The following ADAMTS17 variants were observed in gnomAD, a reference collection of about 807,000 sequenced individuals.
The protein encoded by ADAMTS17 is ADAM metallopeptidase with thrombospondin type 1 motif 17.
Under a neutral mutation model 141.5 loss-of-function variants are expected in ADAMTS17, and 113 were observed. The observed-to-expected ratio is 0.80, with a 90% CI of 0.69 to 0.93. ADAMTS17 has a LOEUF of 0.93. ADAMTS17 is among the 40% of genes least tolerant of loss of function. The pLI is 0.00. For synonymous variants in ADAMTS17, 768 were observed against 630.6 expected (o/e 1.22, Z -3.27); for missense variants, 1,659 against 1,517.9 (o/e 1.09, Z -1.54).
At chr15:100,267,430 G>A (rs932045587) in intron 4 of ADAMTS17, among the ~76,000 whole-genome samples, 1 of 152,162 alleles carries the variant, frequency 6.6e-6, no homozygotes, top group African/African-American at 2.4e-5. Flanking sequence ...GAGTAATGCT[G>A]CTGTGAACAC....
In ADAMTS17 at chr15:99,971,475, C is replaced by A. The variant is rs1451876935; in HGVS notation, c.*2927G>T. The A allele has an allele frequency of 6.6e-6, 1 of 152,220 alleles. No homozygotes were observed. Among genetic ancestry groups the A allele is most frequent in the Non-Finnish European group, 1.5e-5 (1 of 68,044 alleles). The allele number at this position is 152,220 out of a possible 1,614,324, so 9.4% of individuals were successfully genotyped here. A position where few individuals can be genotyped will look rare whatever the true frequency, so the allele number is the denominator to read the frequency against. Reference sequence around the variant, plus strand: ...CATTTTATTACACATATTCAACTTGCTTCCAATGAAATGATTAATTTTTCT... The same window carrying A: ...CATTTTATTACACATATTCAACTTGATTCCAATGAAATGATTAATTTTTCT... On this transcript the variant is annotated 3_prime_UTR_variant, in exon 22 of 22. Coordinates refer to ENST00000268070, the MANE Select transcript of ADAMTS17 (RefSeq NM_139057.4).
rs759640649 is a variant in ADAMTS17, at chr15:100,281,384, A to G, written c.634T>C (p.Trp212Arg). Reference protein sequence around the residue: ...KVLTEKKKPTWGRPSRDWRER... With the variant: ...KVLTEKKKPTRGRPSRDWRER... The stretch of plus-strand genomic sequence containing the variant: ...CGCCAGTCCCGCGAAGGCCTGCCCC[A>G]CGTCGGCTTCTTCTTTTCTAGAAAA... Residue 212 changes from tryptophan to arginine, a missense_variant, in exon 4 of 22, where the codon TGG (tryptophan) becomes CGG (arginine). Physicochemically the swap from Trp to Arg is moderately radical, Grantham distance 101. Coordinates refer to ENST00000268070, the MANE Select transcript of ADAMTS17 (RefSeq NM_139057.4). 9 of 1,612,602 alleles carry G rather than the reference A, an allele frequency of 5.6e-6. No individual in the cohort carries two copies. Among genetic ancestry groups the G allele is most frequent in the Non-Finnish European group, 3.4e-6 (4 of 1,179,906 alleles).
In ADAMTS17 at chr15:100,185,372, C is replaced by T. The variant is rs193234717; in HGVS notation, c.1181+13946G>A. Among the ~76,000 whole-genome samples the T allele has an allele frequency of 1.4e-4, 21 of 148,576 alleles. No homozygotes were observed. In the East Asian group the frequency reaches 2.1e-3, roughly 15 times the overall value. On this transcript the variant is annotated intron_variant, in intron 8 of 21. Coordinates refer to ENST00000268070, the MANE Select transcript of ADAMTS17 (RefSeq NM_139057.4). Reference sequence around the variant, plus strand: ...ATGTGTTTTAAGTTTTGTCTTACTACACCTGTGAACCCACAGTGTGCACTG... The same window carrying T: ...ATGTGTTTTAAGTTTTGTCTTACTATACCTGTGAACCCACAGTGTGCACTG...
At chr15:100,234,953 T>C (rs2042608138) in intron 7 of ADAMTS17, among the ~76,000 whole-genome samples, 1 of 152,082 alleles carries the variant, frequency 6.6e-6, no homozygotes, top group Non-Finnish European at 1.5e-5. Context: ...AGAAAGGCAG[T>C]GGGAACATGA....
At chr15:100,231,633 A>C (rs2042484328) in intron 7 of ADAMTS17, among the ~76,000 whole-genome samples, 1 of 152,192 alleles carries the variant, frequency 6.6e-6, no homozygotes, top group African/African-American at 2.4e-5. Context: ...AGCTGATGTC[A>C]CACAATGTGT....
chr15:100,034,638 G>A (rs2030526497), intron 18 of ADAMTS17, among the ~76,000 whole-genome samples: 1 of 152,214 alleles, frequency 6.6e-6, no homozygotes, highest in East Asian at 1.9e-4. Context: ...GTCCCAGACA[G>A]TCCACTTGCA....
rs748952107 is a variant in ADAMTS17, at chr15:100,051,656, G to T, written c.2371C>A (p.Gln791Lys). ...TCCTGCGGTTTTTCTGGTTCGCTTT[G>T]ATTTTCCGCAGTGCGGTTTACAGGA... ...TVPVNRTAEN[Q>K]SEPEKPQDSL... The change falls in exon 17 of 22, where the codon CAA becomes AAA. Residue 791 changes from glutamine to lysine, a missense_variant. Coordinates refer to ENST00000268070, the MANE Select transcript of ADAMTS17 (RefSeq NM_139057.4). The T allele has an allele frequency of 6.2e-7, 1 of 1,614,202 alleles. No homozygotes were observed. Among genetic ancestry groups the T allele is most frequent in the South Asian group, 1.1e-5 (1 of 91,082 alleles).
intron 7 of ADAMTS17, among the ~76,000 whole-genome samples, chr15:100,212,771 G>A (rs1216576638): frequency 7.1e-6 from 1 of 141,000 alleles, no homozygotes; most frequent in Non-Finnish European, 1.5e-5. Context: ...GAAAACATGA[G>A]GAAAGGTCTC....
At chr15:100,308,686 C>T (rs1489239120) in intron 3 of ADAMTS17, among the ~76,000 whole-genome samples, 14 of 152,232 alleles carry the variant, frequency 9.2e-5, no homozygotes, top group Middle Eastern at 3.4e-3. Flanking sequence ...AACAGAATCC[C>T]GGGCTTAGCC....
intron 13 of ADAMTS17, among the ~76,000 whole-genome samples, chr15:100,114,685 A>C (rs1303209591): frequency 2.0e-4 from 31 of 152,156 alleles, no homozygotes; most frequent in Admixed American, 2.0e-3. Context: ...TAGTGACAAT[A>C]ACTTAGGACT....
intron 3 of ADAMTS17, among the ~76,000 whole-genome samples, chr15:100,295,041 TCAC>T (rs755387799): frequency 6.6e-6 from 1 of 152,086 alleles, no homozygotes; most frequent in Non-Finnish European, 1.5e-5. Context: ...GACACCAAAG[TCAC>T]CACAATTGCA....
chr15:100,128,099 T>C (rs1567220630), intron 12 of ADAMTS17, among the ~76,000 whole-genome samples: 2 of 152,054 alleles, frequency 1.3e-5, no homozygotes, highest in African/African-American at 2.4e-5. Context: ...ACTCAAGCAA[T>C]GCAAGGATGG....
chr15:100,156,928 T>C (rs2039464065), intron 8 of ADAMTS17, among the ~76,000 whole-genome samples: 1 of 152,274 alleles, frequency 6.6e-6, no homozygotes, highest in Non-Finnish European at 1.5e-5. Flanking sequence ...TGCTATAAAG[T>C]GTTTCACACT....
chr15:100,213,636 A>T (rs117179586), intron 7 of ADAMTS17, among the ~76,000 whole-genome samples: 5 of 152,244 alleles, frequency 3.3e-5, no homozygotes, highest in Admixed American at 6.5e-5. Flanking sequence ...AATCATTTTA[A>T]AATGGGATCC....
At chr15:100,203,897 CAA>C (rs57951408) in intron 7 of ADAMTS17, among the ~76,000 whole-genome samples, 21 of 131,612 alleles carry the variant, frequency 1.6e-4, no homozygotes, top group African/African-American at 4.2e-4. Flanking sequence ...GACTCTGTCT[CAA>C]AAAAAAAAAA....
chr15:100,339,225 TG>T, intron 2 of ADAMTS17: 1 of 932,290 alleles, frequency 1.1e-6, no homozygotes, highest in African/African-American at 1.8e-5. Flanking sequence ...CTGGCTGAGA[TG>T]CCATCTATGA....
At chr15:100,155,457 G>GCAGAC in intron 8 of ADAMTS17, 137 bp from the exon 9 acceptor site, 1 of 1,185,124 alleles carries the variant, frequency 8.4e-7, no homozygotes, top group South Asian at 1.3e-5. Context: ...TTCTCACACA[G>GCAGAC]CAGACCCACA....
chr15:100,220,952 C>T (rs538331763), intron 7 of ADAMTS17, among the ~76,000 whole-genome samples: 35 of 152,292 alleles, frequency 2.3e-4, no homozygotes, highest in African/African-American at 7.2e-4. Flanking sequence ...GGGACTATGA[C>T]GGATAATGCG....
intron 14 of ADAMTS17, among the ~76,000 whole-genome samples, chr15:100,105,386 C>T (rs1431261477): frequency 6.6e-6 from 1 of 152,136 alleles, no homozygotes; most frequent in Non-Finnish European, 1.5e-5. Flanking sequence ...CCAACCAATC[C>T]CTGCAATGAT....
Sources: gnomAD v4.1 joint callset for allele counts (sites outside exome capture counted in the v4.1 genomes callset) on GRCh38, gnomAD v4.1.1 for gene constraint, MANE v1.5 for transcripts, NCBI Gene and HGNC (gene_info 2026-07-23, HGNC 2026-07-21) for gene names.